Variants in SH3GL2 observed in about 807,000 individuals in gnomAD.
The protein encoded by SH3GL2 is endophilin-A1.
A neutral mutation model predicts 46.0 loss-of-function variants in SH3GL2; 24 were observed. That is an observed-to-expected ratio of 0.52 (90% CI 0.38 to 0.73). SH3GL2 has a LOEUF of 0.73. Among genes scored for constraint, SH3GL2 ranks in the 30% least tolerant of loss-of-function variants. SH3GL2 has a pLI of 0.00. For synonymous variants in SH3GL2, 196 were observed against 147.1 expected (o/e 1.33, Z -2.40); for missense variants, 413 against 424.2 (o/e 0.97, Z 0.23).
intron 1 of SH3GL2, among the ~76,000 whole-genome samples, chr9:17,713,535 A>G (rs1821681625): frequency 6.6e-6 from 1 of 151,440 alleles, no homozygotes; most frequent in Non-Finnish European, 1.5e-5. Context: ...TAGGTGGTAT[A>G]AATTTCTTCT....
At chr9:17,788,183 G>A (rs1400234735) in intron 5 of SH3GL2, among the ~76,000 whole-genome samples, 1 of 152,018 alleles carries the variant, frequency 6.6e-6, no homozygotes, top group East Asian at 1.9e-4. Flanking sequence ...TTGAACTAGG[G>A]CCTCCTCCTC....
At chr9:17,634,385 A>T (rs1819497936) in intron 1 of SH3GL2, among the ~76,000 whole-genome samples, 1 of 152,112 alleles carries the variant, frequency 6.6e-6, no homozygotes, top group African/African-American at 2.4e-5. Flanking sequence ...ACTCCACAAC[A>T]GGTTTTGCTT....
chr9:17,661,251 C>T (rs1209113509), intron 1 of SH3GL2, among the ~76,000 whole-genome samples: 2 of 152,144 alleles, frequency 1.3e-5, no homozygotes, highest in African/African-American at 2.4e-5. Flanking sequence ...AATCTTTTAG[C>T]CCTGTGCTGT....
chr9:17,649,920 A>G (rs1588205233), intron 1 of SH3GL2, among the ~76,000 whole-genome samples: 1 of 152,212 alleles, frequency 6.6e-6, no homozygotes. Context: ...GGTGTTTAGT[A>G]TATCTAGGTG....
intron 1 of SH3GL2, among the ~76,000 whole-genome samples, chr9:17,746,016 T>C (rs746419113): frequency 6.6e-6 from 1 of 152,208 alleles, no homozygotes; most frequent in East Asian, 1.9e-4. Flanking sequence ...AGAGTATCTT[T>C]TGTGTGATCC....
chr9:17,674,877 G>A (rs1014988681), intron 1 of SH3GL2, among the ~76,000 whole-genome samples: 10 of 152,138 alleles, frequency 6.6e-5, no homozygotes, highest in African/African-American at 2.2e-4. Flanking sequence ...GGCCCGGGAA[G>A]TGTACAGTGG....
chr9:17,595,991 A>G (rs1007580538), intron 1 of SH3GL2, among the ~76,000 whole-genome samples: 2 of 152,120 alleles, frequency 1.3e-5, no homozygotes, highest in Non-Finnish European at 2.9e-5. Flanking sequence ...AATTTGATCT[A>G]TTACAAAATT....
At chr9:17,681,401 T>C (rs1820762926) in intron 1 of SH3GL2, among the ~76,000 whole-genome samples, 2 of 152,142 alleles carry the variant, frequency 1.3e-5, no homozygotes, top group South Asian at 4.1e-4. Context: ...TCAGCAAAAA[T>C]ACAGGCACAT....
chr9:17,655,686 A>G (rs1357324517), intron 1 of SH3GL2, among the ~76,000 whole-genome samples: 2 of 152,120 alleles, frequency 1.3e-5, no homozygotes, highest in African/African-American at 4.8e-5. Flanking sequence ...ACATTTTCTG[A>G]TGTACTTGCT....
intron 1 of SH3GL2, among the ~76,000 whole-genome samples, chr9:17,631,134 A>G (rs1819412300): frequency 1.3e-5 from 2 of 152,168 alleles, no homozygotes; most frequent in South Asian, 4.1e-4. Context: ...AGAGGAAAAA[A>G]CCCGCAATTA....
At chr9:17,685,725 T>G (rs1820885769) in intron 1 of SH3GL2, among the ~76,000 whole-genome samples, 1 of 151,974 alleles carries the variant, frequency 6.6e-6, no homozygotes, top group African/African-American at 2.4e-5. Flanking sequence ...CATTGCTTGT[T>G]TTTCTCAGGT....
At chr9:17,674,095 A>G (rs752208961) in intron 1 of SH3GL2, among the ~76,000 whole-genome samples, 6 of 152,320 alleles carry the variant, frequency 3.9e-5, no homozygotes, top group African/African-American at 9.6e-5. Context: ...AATTAACAGC[A>G]TAATTGTGGC....
intron 1 of SH3GL2, among the ~76,000 whole-genome samples, chr9:17,629,816 C>T (rs1239842694): frequency 6.6e-6 from 1 of 152,106 alleles, no homozygotes; most frequent in African/African-American, 2.4e-5. Flanking sequence ...TGTCTCAGTC[C>T]AGGAAGTTCT....
At chr9:17,600,379 G>T (rs553707910) in intron 1 of SH3GL2, among the ~76,000 whole-genome samples, 17 of 152,286 alleles carry the variant, frequency 1.1e-4, no homozygotes, top group Non-Finnish European at 2.4e-4. Flanking sequence ...ATGTAATGTC[G>T]AAGGGAGAAT....
At chr9:17,680,879 CGTTAT>C (rs901838396) in intron 1 of SH3GL2, among the ~76,000 whole-genome samples, 17 of 152,094 alleles carry the variant, frequency 1.1e-4, no homozygotes, top group African/African-American at 3.6e-4. Context: ...GCCTTCATTT[CGTTAT>C]GTACCCAGTA....
intron 1 of SH3GL2, among the ~76,000 whole-genome samples, chr9:17,626,307 G>A (rs1223955226): frequency 6.6e-6 from 1 of 152,222 alleles, no homozygotes; most frequent in East Asian, 1.9e-4. Flanking sequence ...AATGGCAGGA[G>A]CATGTTGCGG....
chr9:17,645,151 C>CTTTTTTTTTTTTTT (rs57611978), intron 1 of SH3GL2, among the ~76,000 whole-genome samples: 14 of 68,776 alleles, frequency 2.0e-4, no homozygotes, highest in East Asian at 3.5e-4. Flanking sequence ...GCAAACGCTG[C>CTTTTTTTTTTTTTT]TTTTTTTTTT....
intron 1 of SH3GL2, among the ~76,000 whole-genome samples, chr9:17,634,682 T>C (rs1819503949): frequency 6.6e-6 from 1 of 152,234 alleles, no homozygotes. Context: ...AACCTGTGAC[T>C]TGGTTTATTT....
intron 1 of SH3GL2, among the ~76,000 whole-genome samples, chr9:17,687,480 A>G (rs573901505): frequency 1.3e-5 from 2 of 152,076 alleles, no homozygotes; most frequent in African/African-American, 4.8e-5. Context: ...TAGGTTCAAT[A>G]CAAACTTTTT....
Sources: allele counts gnomAD v4.1 joint callset (sites outside exome capture counted in the v4.1 genomes callset), GRCh38; gene constraint gnomAD v4.1.1; transcripts MANE v1.5; gene names NCBI Gene and HGNC (gene_info 2026-07-23, HGNC 2026-07-21).